Variants in PDE4D observed in about 807,000 individuals in gnomAD.
PDE4D encodes the protein 3',5'-cyclic-AMP phosphodiesterase 4D.
Under a neutral mutation model 87.4 loss-of-function variants are expected in PDE4D, and 24 were observed. The observed-to-expected ratio is 0.27, with a 90% confidence interval of 0.20 to 0.39. The LOEUF is 0.39. PDE4D is among the 10% of genes least tolerant of loss of function. PDE4D has a pLI of 1.00. For synonymous variants in PDE4D, 384 were observed against 383.2 expected (o/e 1.00, Z -0.02); for missense variants, 714 against 1,041.0 (o/e 0.69, Z 4.32).
chr5:60,143,255 T>C (rs1544791), intron 2 of PDE4D, among the ~76,000 whole-genome samples: 100,831 of 152,124 alleles, frequency 0.66, 34,061 homozygotes, highest in Middle Eastern at 0.7. Flanking sequence ...TTGCAAATAA[T>C]GCCACATTCT....
intron 1 of PDE4D, among the ~76,000 whole-genome samples, chr5:60,426,690 T>C (rs1258280950): frequency 6.6e-6 from 1 of 151,948 alleles, no homozygotes; most frequent in Admixed American, 6.6e-5. Context: ...TTTAAAAAAA[T>C]GAAAATATGA....
At chr5:60,049,398 G>A (rs149551952) in intron 2 of PDE4D, among the ~76,000 whole-genome samples, 34,975 of 152,100 alleles carry the variant, frequency 0.23, 5,120 homozygotes, top group Admixed American at 0.34. Context: ...GCTCTGTTCC[G>A]TTGCTGGTGA....
rs702531 is a variant in PDE4D at position 58,971,896 on chromosome 5, A to C, written c.*2768T>G. The C allele has an allele frequency of 0.66, 100,079 of 152,336 alleles. 32,969 individuals carry two copies. The highest frequency in any genetic ancestry group is 0.74 in the Middle Eastern group (218 of 294). 9.4% of individuals were successfully genotyped at this position (152,336 alleles called of 1,614,324 possible). A position where few individuals can be genotyped will look rare whatever the true frequency, so the allele number is the denominator to read the frequency against. On this transcript the variant is annotated 3_prime_UTR_variant, in exon 15 of 15. Transcript: ENST00000340635. ...GCAAGAGAGAAGGGCAAGGATAAGC[A>C]GATTGTACAGTGCATTAGTCCCTGT...
intron 1 of PDE4D, among the ~76,000 whole-genome samples, chr5:60,394,616 C>T (rs566645120): frequency 3.9e-5 from 6 of 152,266 alleles, no homozygotes; most frequent in African/African-American, 1.2e-4. Context: ...AGCTAAGTTT[C>T]ATCATCTAGA....
At chr5:58,984,755 T>C (rs1277651195) in intron 11 of PDE4D, among the ~76,000 whole-genome samples, 1 of 152,234 alleles carries the variant, frequency 6.6e-6, no homozygotes, top group Non-Finnish European at 1.5e-5. Flanking sequence ...CTTAGGCATC[T>C]TTGCTATTAA....
intron 1 of PDE4D, among the ~76,000 whole-genome samples, chr5:59,535,108 G>C (rs1448570038): frequency 6.6e-6 from 1 of 150,754 alleles, no homozygotes; most frequent in African/African-American, 2.4e-5. Flanking sequence ...GTATCTAGCT[G>C]ATTCAAATCA....
At chr5:60,264,982 T>C (rs1750035455) in intron 1 of PDE4D, among the ~76,000 whole-genome samples, 1 of 152,192 alleles carries the variant, frequency 6.6e-6, no homozygotes, top group African/African-American at 2.4e-5. Flanking sequence ...TACAGGCATG[T>C]TTCCTTCTCT....
intron 1 of PDE4D, among the ~76,000 whole-genome samples, chr5:59,886,789 A>G (rs150870159): frequency 1.3e-5 from 2 of 152,300 alleles, no homozygotes; most frequent in African/African-American, 4.8e-5. Flanking sequence ...GACAAAAGTT[A>G]GACTTTCTGC....
At chr5:59,861,118 G>A (rs963285374) in intron 1 of PDE4D, among the ~76,000 whole-genome samples, 1 of 150,610 alleles carries the variant, frequency 6.6e-6, no homozygotes, top group African/African-American at 2.4e-5. Context: ...TGATCCACCC[G>A]CCTCAGCCTC....
At chr5:59,576,486 CCT>C (rs1274064591) in intron 1 of PDE4D, among the ~76,000 whole-genome samples, 33 of 152,018 alleles carry the variant, frequency 2.2e-4, no homozygotes, top group African/African-American at 7.5e-4. Context: ...TAAAATTTCC[CCT>C]GACAATATAA....
chr5:59,107,938 T>C (rs1771909921), intron 5 of PDE4D, among the ~76,000 whole-genome samples: 1 of 152,092 alleles, frequency 6.6e-6, no homozygotes. Flanking sequence ...AGAAAAGCCA[T>C]GAGACTACAT....
intron 1 of PDE4D, among the ~76,000 whole-genome samples, chr5:59,364,892 TCTTC>T (rs1267607326): frequency 6.6e-6 from 1 of 151,854 alleles, no homozygotes; most frequent in African/African-American, 2.4e-5. Flanking sequence ...TTCCCTCCTT[TCTTC>T]CTTCCTTCTA....
intron 6 of PDE4D, chr5:58,999,996 CA>C (rs920713949): frequency 3.9e-6 from 3 of 767,654 alleles, no homozygotes; most frequent in Non-Finnish European, 4.7e-6. Context: ...GCACCAATTG[CA>C]TTCCAGCTCT....
chr5:59,742,112 G>A (rs1451184608), intron 1 of PDE4D, among the ~76,000 whole-genome samples: 1 of 152,120 alleles, frequency 6.6e-6, no homozygotes, highest in East Asian at 1.9e-4. Context: ...CGCCCAGGCT[G>A]GAGTGCAATG....
At chr5:59,101,094 A>T (rs2153433498) in intron 5 of PDE4D, among the ~76,000 whole-genome samples, 1 of 152,208 alleles carries the variant, frequency 6.6e-6, no homozygotes, top group South Asian at 2.1e-4. Context: ...GATTTAACTC[A>T]TTTAGTAAAG....
intron 2 of PDE4D, among the ~76,000 whole-genome samples, chr5:60,147,356 C>A (rs1781104347): frequency 6.6e-6 from 1 of 151,134 alleles, no homozygotes; most frequent in African/African-American, 2.4e-5. Context: ...ACAATGGTGA[C>A]CAAGTGCTGG....
chr5:60,271,448 A>G (rs1750798524), intron 1 of PDE4D, among the ~76,000 whole-genome samples: 1 of 152,212 alleles, frequency 6.6e-6, no homozygotes, highest in Non-Finnish European at 1.5e-5. Flanking sequence ...GGAACAAAGA[A>G]GCTAACTAAT....
At chr5:60,487,332 T>G (rs1749229601) in intron 1 of PDE4D, among the ~76,000 whole-genome samples, 1 of 152,244 alleles carries the variant, frequency 6.6e-6, no homozygotes, top group Non-Finnish European at 1.5e-5. Flanking sequence ...AACAAGCGCA[T>G]GGTTTTTCAT....
chr5:60,167,266 C>CTTTTTTTTTT (rs142613050), intron 2 of PDE4D, among the ~76,000 whole-genome samples: 5 of 86,474 alleles, frequency 5.8e-5, no homozygotes, highest in Non-Finnish European at 8.6e-5. Context: ...TGTGTATTTT[C>CTTTTTTTTTT]TTTTTTTTTT....
Sources: gnomAD v4.1 joint callset for allele counts (sites outside exome capture counted in the v4.1 genomes callset) on GRCh38, gnomAD v4.1.1 for gene constraint, MANE v1.5 for transcripts, NCBI Gene and HGNC (gene_info 2026-07-23, HGNC 2026-07-21) for gene names.